TRIP11: variants seen among roughly 807,000 people sequenced by gnomAD.
TRIP11 encodes thyroid hormone receptor interactor 11.
A neutral mutation model predicts 223.1 loss-of-function variants in TRIP11; 148 were observed. The observed-to-expected ratio is 0.66, with a 90% CI of 0.58 to 0.76. TRIP11 has a LOEUF of 0.76. Among genes scored for constraint, TRIP11 ranks in the 30% least tolerant of loss-of-function variants. TRIP11 has a pLI of 0.00. For missense variants in TRIP11, 2,043 were observed against 2,222.0 expected, an observed-to-expected ratio of 0.92 and a Z score of 1.62; for synonymous variants, 762 against 772.6, an observed-to-expected ratio of 0.99 and a Z score of 0.23.
intron 1 of TRIP11, 41 bp from the exon 2 acceptor site, chr14:92,033,294 C>T (rs753357036): frequency 7.1e-7 from 1 of 1,414,816 alleles, no homozygotes; most frequent in Admixed American, 1.7e-5. Flanking sequence ...TAATCAATAC[C>T]ATATGAAGTA....
intron 16 of TRIP11, among the ~76,000 whole-genome samples, chr14:91,986,629 A>G (rs1686780266): frequency 6.6e-6 from 1 of 152,220 alleles, no homozygotes; most frequent in Admixed American, 6.5e-5. Context: ...GGCCTTAGAT[A>G]TTATAGTAGC....
intron 4 of TRIP11, among the ~76,000 whole-genome samples, chr14:92,020,113 G>A (rs2057091601): frequency 6.6e-6 from 1 of 152,026 alleles, no homozygotes; most frequent in Non-Finnish European, 1.5e-5. Flanking sequence ...TTAGCCCGGT[G>A]TGGTGGCGGG....
intron 11 of TRIP11, among the ~76,000 whole-genome samples, chr14:92,001,103 C>A (rs2056820425): frequency 6.6e-6 from 1 of 152,082 alleles, no homozygotes; most frequent in African/African-American, 2.4e-5. Context: ...TCAGGGGATC[C>A]ACCCACCTCA....
chr14:92,021,542 A>C lies in TRIP11; in HGVS notation c.588+14T>G. ...ACTCAAAGTTTTCAAAAACTCTAAAAAATTTTTATCTACCTGAGCAATATG... is the reference window on the plus strand; with the variant it reads ...ACTCAAAGTTTTCAAAAACTCTAAACAATTTTTATCTACCTGAGCAATATG... On this transcript the variant is annotated intron_variant, in intron 4 of 20. Coordinates refer to ENST00000267622, the MANE Select transcript of TRIP11 (RefSeq NM_004239.4). 1 of 1,613,458 alleles carries C rather than the reference A, an allele frequency of 6.2e-7. No individual in the cohort carries two copies. Among genetic ancestry groups the C allele is most frequent in the East Asian group, 2.2e-5 (1 of 44,898 alleles).
intron 3 of TRIP11, among the ~76,000 whole-genome samples, chr14:92,022,217 A>G (rs993930589): frequency 3.3e-5 from 5 of 152,208 alleles, no homozygotes; most frequent in African/African-American, 7.2e-5. Flanking sequence ...TATGCACTGG[A>G]AATTTTCTTA....
rs2057365681 is a variant in TRIP11, at chr14:92,039,852, G to A, written c.-167C>T. 1.4e-6 allele frequency: 2 copies of A among 1,429,590 alleles called. No homozygotes were observed. Among genetic ancestry groups the A allele is most frequent in the Admixed American group, 4.2e-5 (2 of 47,644 alleles). 88.6% of individuals were successfully genotyped at this position (1,429,590 alleles called of 1,614,324 possible). A position where few individuals can be genotyped will look rare whatever the true frequency, so the allele number is the denominator to read the frequency against. On this transcript the variant is annotated 5_prime_UTR_variant, in exon 1 of 21. Transcript: ENST00000267622. ...CCGACTCCAGGTTCTGCCTAGAAAC[G>A]CAGAGGCCTGGCCTGGAATTTTACC...
chr14:92,031,689 A>G (rs7157056), intron 2 of TRIP11, among the ~76,000 whole-genome samples: 68,870 of 152,172 alleles, frequency 0.45, 16,992 homozygotes, highest in African/African-American at 0.66. Flanking sequence ...TCCAGGTTAT[A>G]CAATTAAGGG....
In TRIP11 at chr14:92,006,344, A is replaced by T. The variant is rs2140120060; in HGVS notation, c.1632T>A (p.His544Gln). The change falls in exon 11 of 21, where the codon CAT (histidine) becomes CAA (glutamine). Residue 544 changes from histidine to glutamine, a missense_variant. His to Gln is a conservative substitution (Grantham distance 24, BLOSUM62 0). Transcript: ENST00000267622. ...TGTCCATTTTATCATCTTCAAGTTGATGAACTCTCTTTTTTTCATCATTTA... is the reference window on the plus strand; with the variant it reads ...TGTCCATTTTATCATCTTCAAGTTGTTGAACTCTCTTTTTTTCATCATTTA... ...QDLNDEKKRV[H>Q]QLEDDKMDIT... 4 of 1,611,510 alleles carry T rather than the reference A, an allele frequency of 2.5e-6. No individual in the cohort carries two copies. In the East Asian group the frequency reaches 8.9e-5, roughly 36 times the overall value.
chr14:92,033,357 A>T (rs2057289764), intron 1 of TRIP11, 104 bp from the exon 2 acceptor site: 11 of 888,620 alleles, frequency 1.2e-5, no homozygotes, highest in Non-Finnish European at 2.0e-5. Flanking sequence ...ACAGAATAGT[A>T]GGCTGATATG....
intron 16 of TRIP11, chr14:91,977,190 T>C (rs1328825557): frequency 8.8e-6 from 4 of 452,108 alleles, no homozygotes; most frequent in Non-Finnish European, 1.8e-5. Context: ...TTATCAGATA[T>C]GATTTACAAA....
At chr14:92,025,713 C>T (rs1298423462) in intron 2 of TRIP11, among the ~76,000 whole-genome samples, 8 of 151,960 alleles carry the variant, frequency 5.3e-5, no homozygotes, top group Admixed American at 2.0e-4. Flanking sequence ...CCCATCTCTA[C>T]TAAAATACAA....
At position 92,007,647 on chromosome 14, in the gene TRIP11, GCTT is replaced by G. The variant is rs2056922393; in HGVS notation, c.1517_1519del (p.Glu506del). 1 of 1,613,194 alleles carries G rather than the reference GCTT, an allele frequency of 6.2e-7. No individual in the cohort carries two copies. The highest frequency in any genetic ancestry group is 1.3e-5 in the African/African-American group (1 of 74,924). On this transcript the variant is annotated inframe_deletion, in exon 10 of 21. Transcript: ENST00000267622. Reference sequence around the variant, plus strand: ...TATTTAATACAGTGTTACCTTTGTAGCTTCTTGATTCTGTCTGTCCAATTCTTC... The same window carrying G: ...TATTTAATACAGTGTTACCTTTGTAGCTTGATTCTGTCTGTCCAATTCTTC...
intron 16 of TRIP11, among the ~76,000 whole-genome samples, chr14:91,983,862 T>A (rs1448172272): frequency 5.3e-5 from 8 of 152,236 alleles, no homozygotes; most frequent in African/African-American, 1.9e-4. Flanking sequence ...GAAAACGGAA[T>A]GTCTTTATTT....
chr14:92,028,251 A>T (rs907470257), intron 2 of TRIP11, among the ~76,000 whole-genome samples: 1 of 152,146 alleles, frequency 6.6e-6, no homozygotes, highest in African/African-American at 2.4e-5. Context: ...CTCCATAGCC[A>T]TATGAGAGTC....
At chr14:91,989,546 T>G (rs2056647450) in intron 15 of TRIP11, among the ~76,000 whole-genome samples, 1 of 150,298 alleles carries the variant, frequency 6.7e-6, no homozygotes, top group African/African-American at 2.5e-5. Flanking sequence ...CTCTCCTCAC[T>G]GCATTATTTC....
At chr14:91,995,761 G>A (rs554637237) in intron 13 of TRIP11, among the ~76,000 whole-genome samples, 16 of 151,894 alleles carry the variant, frequency 1.1e-4, no homozygotes, top group East Asian at 7.7e-4. Flanking sequence ...GGTTATAGGC[G>A]TGCACAACCA....
Position 92,003,787 on chromosome 14 carries a change from G to C in TRIP11, c.4189C>G (p.Gln1397Glu). 1 of 1,614,128 alleles carries C rather than the reference G, an allele frequency of 6.2e-7. No homozygotes were observed. Among genetic ancestry groups the C allele is most frequent in the Non-Finnish European group, 8.5e-7 (1 of 1,180,028 alleles). The stretch of plus-strand genomic sequence containing the variant: ...AAAACATCTTGTTTCTCCTTTAGCT[G>C]CTTGATTTCTGAATCGGTTTGTTCG... ...EHEQTDSEIK[Q>E]LKEKQDVLQK... The change falls in exon 11 of 21, where the codon CAG (glutamine) becomes GAG (glutamate). Residue 1397 changes from glutamine to glutamate, a missense_variant. Gln to Glu is a conservative substitution (Grantham distance 29). Coordinates refer to ENST00000267622, the MANE Select transcript of TRIP11 (RefSeq NM_004239.4).
At chr14:92,031,583 A>G (rs2057265852) in intron 2 of TRIP11, among the ~76,000 whole-genome samples, 1 of 152,168 alleles carries the variant, frequency 6.6e-6, no homozygotes, top group Non-Finnish European at 1.5e-5. Flanking sequence ...TCTCAAAGCA[A>G]CAACCACAAC....
intron 16 of TRIP11, among the ~76,000 whole-genome samples, chr14:91,979,274 G>T (rs9743668): frequency 1.0e-5 from 1 of 96,440 alleles, no homozygotes; most frequent in African/African-American, 3.8e-5. Flanking sequence ...AAAAAAAAAA[G>T]AGAGAGAGAG....
Sources: gnomAD v4.1 joint callset for allele counts (sites outside exome capture counted in the v4.1 genomes callset) on GRCh38, gnomAD v4.1.1 for gene constraint, MANE v1.5 for transcripts, NCBI Gene and HGNC (gene_info 2026-07-23, HGNC 2026-07-21) for gene names.